Variants in ZYG11B observed in about 807,000 individuals in gnomAD.
The protein encoded by ZYG11B is zyg-11 family member B, cell cycle regulator.
Under a neutral mutation model 82.4 loss-of-function variants are expected in ZYG11B, and 36 were observed. That is an observed-to-expected ratio of 0.44 (90% CI 0.33 to 0.58). The LOEUF is 0.58. ZYG11B is among the 20% of genes least tolerant of loss of function. ZYG11B has a pLI of 0.02. For synonymous variants in ZYG11B, 303 were observed against 312.8 expected, an observed-to-expected ratio of 0.97 and a Z score of 0.33; for missense variants, 552 against 895.6, an observed-to-expected ratio of 0.62 and a Z score of 4.90.
chr1:52,796,442 C>A, intron 7 of ZYG11B, 51 bp downstream of exon 7: 1 of 1,416,716 alleles, frequency 7.1e-7, no homozygotes, highest in Non-Finnish European at 9.9e-7. Context: ...TTTCTCACTA[C>A]ATTTACTGTT....
At chr1:52,787,111 AG>A (rs1477043552) in intron 5 of ZYG11B, among the ~76,000 whole-genome samples, 2 of 152,022 alleles carry the variant, frequency 1.3e-5, no homozygotes, top group Non-Finnish European at 2.9e-5. Flanking sequence ...AAGTGTTCAC[AG>A]TAGCACTGTG....
At chr1:52,778,563 G>A (rs1301891504) in intron 3 of ZYG11B, among the ~76,000 whole-genome samples, 1 of 152,178 alleles carries the variant, frequency 6.6e-6, no homozygotes, top group Non-Finnish European at 1.5e-5. Context: ...CTTACGTTAT[G>A]AGGTACATAA....
At chr1:52,762,461 G>A (rs367739942) in intron 2 of ZYG11B, among the ~76,000 whole-genome samples, 98 of 151,994 alleles carry the variant, frequency 6.4e-4, no homozygotes, top group African/African-American at 2.1e-3. Context: ...CTCTTGCCTC[G>A]GCCTCCCAAA....
At position 52,778,070 on chromosome 1, in the gene ZYG11B, G is replaced by A. The variant is rs560381941; in HGVS notation, c.952-1783G>A. Among the ~76,000 whole-genome samples the A allele has an allele frequency of 6.6e-5, 10 of 152,198 alleles. No homozygotes were observed. In the East Asian group the frequency reaches 1.7e-3, roughly 26 times the overall value. ...CTCCCAAAGTGGTGGGATTACAGGC[G>A]CGAGCCACTACACCCAACCATGTCC... On this transcript the variant is annotated intron_variant, in intron 3 of 13. Transcript: ENST00000294353.
chr1:52,801,679 G>C (rs1165649147), intron 8 of ZYG11B, 140 bp from the exon 9 acceptor site: 8 of 616,124 alleles, frequency 1.3e-5, no homozygotes, highest in Non-Finnish European at 2.2e-5. Context: ...TTCAGTCCAA[G>C]GGGCTGTTTG....
Position 52,743,128 on chromosome 1 carries a change from G to A in ZYG11B, c.31-13330G>A, listed in dbSNP as rs1271447224. Among the ~76,000 whole-genome samples the A allele has an allele frequency of 9.2e-5, 14 of 152,152 alleles. No homozygotes were observed. In the Middle Eastern group the frequency reaches 0.014, roughly 149 times the overall value. ...GTCGAATAGAAAAGGGGGAAATGTG[G>A]GGAAAAGAGAGAGAAATCAGATTGT... is the stretch of plus-strand genomic sequence containing the variant. On this transcript the variant is annotated intron_variant, in intron 1 of 13. Coordinates refer to ENST00000294353, the MANE Select transcript of ZYG11B (RefSeq NM_024646.3).
intron 1 of ZYG11B, among the ~76,000 whole-genome samples, chr1:52,732,264 C>T (rs1016446682): frequency 2.6e-5 from 4 of 152,168 alleles, no homozygotes; most frequent in African/African-American, 9.6e-5. Flanking sequence ...TAAGTCTGAG[C>T]AGTCTCAGGC....
intron 1 of ZYG11B, among the ~76,000 whole-genome samples, chr1:52,728,412 G>A (rs1202148913): frequency 2.6e-5 from 4 of 152,122 alleles, no homozygotes; most frequent in African/African-American, 7.2e-5. Flanking sequence ...ACGGACTACC[G>A]TGCCCCGCTA....
intron 12 of ZYG11B, among the ~76,000 whole-genome samples, chr1:52,814,224 T>C (rs1439921251): frequency 6.6e-6 from 1 of 152,210 alleles, no homozygotes; most frequent in African/African-American, 2.4e-5. Flanking sequence ...TTTCACCATG[T>C]TGGCCAGGCT....
chr1:52,739,097 C>T (rs1644402236), intron 1 of ZYG11B, among the ~76,000 whole-genome samples: 1 of 150,098 alleles, frequency 6.7e-6, no homozygotes, highest in Non-Finnish European at 1.5e-5. Context: ...AAGCGATTCT[C>T]CTGCCTCAGC....
chr1:52,769,741 T>G (rs1474386855), intron 2 of ZYG11B, among the ~76,000 whole-genome samples: 1 of 152,220 alleles, frequency 6.6e-6, no homozygotes, highest in East Asian at 1.9e-4. Flanking sequence ...GGTGACTGGC[T>G]GGCAGCCTAG....
chr1:52,812,711 GGTTTGTTT>G (rs59906595), intron 10 of ZYG11B, among the ~76,000 whole-genome samples: 33 of 149,804 alleles, frequency 2.2e-4, no homozygotes, highest in South Asian at 6.4e-4. Flanking sequence ...GGCTGTTTTG[GGTTTGTTT>G]GTTTGTTTGT....
Position 52,771,737 on chromosome 1 carries a change from G to A in ZYG11B, c.914G>A (p.Gly305Asp). ...QFVGLLATDA[G>D]YSEFLTGEGH... ...GTAGGTTTGCTGGCTACTGATGCTG[G>A]TTACTCTGAATTCCTCACAGGCGAA... The change falls in exon 3 of 14, where the codon GGT (glycine) becomes GAT (aspartate). Residue 305 changes from glycine (G) to aspartate (D), a missense_variant. Gly to Asp is a moderately conservative substitution (Grantham distance 94). Around this residue, in one of 3 missense-constraint regions of ZYG11B, gnomAD observed 359 missense variants for 555.8 expected, o/e 0.65. Transcript: ENST00000294353. This position sits in a 1 kb window ranked among gnomAD's most constrained non-coding sequence, Gnocchi z 5.4. 2 of 1,613,406 alleles carry A rather than the reference G, an allele frequency of 1.2e-6. No homozygotes were observed. The highest frequency in any genetic ancestry group is 8.5e-7 in the Non-Finnish European group (1 of 1,179,488).
chr1:52,728,065 CTGT>C (rs939710918), intron 1 of ZYG11B, among the ~76,000 whole-genome samples: 6 of 152,216 alleles, frequency 3.9e-5, no homozygotes, highest in African/African-American at 1.4e-4. Context: ...CTTTCACACA[CTGT>C]TGTTGTATGC....
At chr1:52,764,446 A>T (rs1334815190) in intron 2 of ZYG11B, among the ~76,000 whole-genome samples, 2 of 151,964 alleles carry the variant, frequency 1.3e-5, no homozygotes, top group Non-Finnish European at 2.9e-5. Flanking sequence ...AGATTTTTTT[A>T]AAATAAGAAA....
At chr1:52,789,326 C>G (rs920284802) in intron 5 of ZYG11B, among the ~76,000 whole-genome samples, 1 of 152,092 alleles carries the variant, frequency 6.6e-6, no homozygotes, top group African/African-American at 2.4e-5. Context: ...CAATCGTACA[C>G]AAAAACCTTT....
intron 6 of ZYG11B, among the ~76,000 whole-genome samples, chr1:52,791,408 G>A (rs1571781910): frequency 1.3e-5 from 2 of 150,082 alleles, no homozygotes; most frequent in South Asian, 4.3e-4. Flanking sequence ...CACTCTTGTT[G>A]TCCAGGCTGG....
intron 10 of ZYG11B, among the ~76,000 whole-genome samples, chr1:52,812,845 G>A (rs479581): frequency 2.0e-5 from 3 of 151,466 alleles, no homozygotes; most frequent in Non-Finnish European, 4.4e-5. Flanking sequence ...TCGTGCCTCA[G>A]CCTCCCAAGT....
intron 1 of ZYG11B, 27 bp downstream of exon 1, chr1:52,726,710 G>A: frequency 3.4e-6 from 5 of 1,463,950 alleles, no homozygotes; most frequent in Non-Finnish European, 2.7e-6. Flanking sequence ...TGCCCTAGCC[G>A]CAGCCGCCCG....
Sources: gnomAD v4.1 joint callset for allele counts (sites outside exome capture counted in the v4.1 genomes callset) on GRCh38, gnomAD v4.1.1 for gene constraint, gnomAD v4.1.1 regional missense constraint, Gnocchi (gnomAD v3.1) non-coding constraint, MANE v1.5 for transcripts, NCBI Gene and HGNC (gene_info 2026-07-23, HGNC 2026-07-21) for gene names.